Variants in DLG2 observed in about 807,000 individuals in gnomAD.
DLG2 encodes discs large MAGUK scaffold protein 2, also known as disks large homolog 2.
A neutral mutation model predicts 132.5 loss-of-function variants in DLG2; 45 were observed. That is an observed-to-expected ratio of 0.34 (90% CI 0.27 to 0.44). The LOEUF is 0.44. Among genes scored for constraint, DLG2 ranks in the 20% least tolerant of loss-of-function variants. The pLI is 1.00. For synonymous variants in DLG2, 424 were observed against 419.6 expected (o/e 1.01, Z -0.13); for missense variants, 1,045 against 1,196.9 (o/e 0.87, Z 1.87).
chr11:84,194,897 G>T (rs2096486183), intron 8 of DLG2, among the ~76,000 whole-genome samples: 1 of 152,148 alleles, frequency 6.6e-6, no homozygotes, highest in South Asian at 2.1e-4. Flanking sequence ...CAAGCGCGGG[G>T]CCTATTGAGC....
chr11:84,140,600 CAATGTTACGGAGCTTTG>C (rs2094800310), intron 9 of DLG2, among the ~76,000 whole-genome samples: 2 of 152,088 alleles, frequency 1.3e-5, no homozygotes, highest in African/African-American at 2.4e-5. Context: ...GGAGTTAGGG[CAATGTTACGGAGCTTTG>C]AATAAGTTAG....
In DLG2 at chr11:84,056,237, G is replaced by T. The variant is rs372881774; in HGVS notation, c.919+3078C>A. ...TATCCCTCCCCTTCCCCACAACCCC[G>T]GAACAGGCCCTGGTGTGTAAAGTTC... On this transcript the variant is annotated intron_variant, in intron 11 of 27. Transcript: ENST00000376104. Among the ~76,000 whole-genome samples the T allele has an allele frequency of 1.9e-3, 289 of 151,988 alleles. 2 individuals are homozygous for T. Among genetic ancestry groups the T allele is most frequent in the African/African-American group, 6.8e-3 (281 of 41,470 alleles).
chr11:84,670,579 G>A (rs1480075608), intron 6 of DLG2, among the ~76,000 whole-genome samples: 1 of 152,068 alleles, frequency 6.6e-6, no homozygotes, highest in East Asian at 1.9e-4. Flanking sequence ...GCCTCTGGTG[G>A]CATAATATAA....
chr11:84,924,406 T>A (rs1036404340), intron 6 of DLG2, among the ~76,000 whole-genome samples: 2 of 152,160 alleles, frequency 1.3e-5, no homozygotes, highest in Non-Finnish European at 2.9e-5. Flanking sequence ...TCAGCATAAC[T>A]CACTAGAAAA....
intron 3 of DLG2, among the ~76,000 whole-genome samples, chr11:85,554,719 T>C (rs1019432920): frequency 6.6e-6 from 1 of 151,864 alleles, no homozygotes; most frequent in African/African-American, 2.4e-5. Context: ...TTTGCCCTTC[T>C]ATGATCGTTT....
chr11:84,391,859 G>C (rs1215732901), intron 7 of DLG2, among the ~76,000 whole-genome samples: 1 of 151,744 alleles, frequency 6.6e-6, no homozygotes, highest in Non-Finnish European at 1.5e-5. Context: ...GCTCACAGTG[G>C]ATTTTAAATT....
intron 6 of DLG2, among the ~76,000 whole-genome samples, chr11:84,586,661 G>T (rs116715067): frequency 4.6e-5 from 7 of 151,536 alleles, no homozygotes; most frequent in African/African-American, 1.7e-4. Flanking sequence ...TTTTGTTTTT[G>T]TCATACACTT....
At chr11:84,776,501 G>T (rs778079325) in intron 6 of DLG2, among the ~76,000 whole-genome samples, 1 of 152,036 alleles carries the variant, frequency 6.6e-6, no homozygotes, top group African/African-American at 2.4e-5. Flanking sequence ...ACTGCTACAG[G>T]CAATCGAGAT....
At chr11:84,772,905 C>G (rs1459402368) in intron 6 of DLG2, among the ~76,000 whole-genome samples, 1 of 151,644 alleles carries the variant, frequency 6.6e-6, no homozygotes, top group Non-Finnish European at 1.5e-5. Flanking sequence ...TGAGAATAAA[C>G]TATCCCCAAA....
At chr11:85,219,664 C>A (rs1206858386) in intron 4 of DLG2, among the ~76,000 whole-genome samples, 1 of 150,080 alleles carries the variant, frequency 6.7e-6, no homozygotes, top group African/African-American at 2.5e-5. Context: ...GTATCTATAT[C>A]TAAATTCCCA....
chr11:83,868,682 A>T (rs2062856662), intron 16 of DLG2, among the ~76,000 whole-genome samples: 1 of 152,094 alleles, frequency 6.6e-6, no homozygotes, highest in Non-Finnish European at 1.5e-5. Context: ...TGATAAGCAA[A>T]GGCTCAGATT....
Position 84,734,087 on chromosome 11 carries a change from G to C in DLG2, c.358-199356C>G, listed in dbSNP as rs1167180773. On this transcript the variant is annotated intron_variant, in intron 6 of 27. Transcript: ENST00000376104. ...CAGGTAGCATGATGCCTCCAGCTTT[G>C]TTCTCTTGGCTTAGGATTGATTTGG... Among the ~76,000 whole-genome samples, 11 of 152,252 alleles carry C rather than the reference G, an allele frequency of 7.2e-5. No individual in the cohort carries two copies. The South Asian group carries it at 1.0e-3, about 14-fold the overall frequency.
rs994427378 is a variant in DLG2, at chr11:83,986,629, C to T, written c.920-5987G>A. 1.1e-3 allele frequency among the ~76,000 whole-genome samples: 172 copies of T among 151,888 alleles called. 1 individual carries two copies. Among genetic ancestry groups the T allele is most frequent in the African/African-American group, 3.9e-3 (161 of 41,438 alleles). Reference sequence around the variant, plus strand: ...TTCTAGTTCTAGATCCCTGAGGAATCGCCACACTGACTTCCACAATGGTTG... The same window carrying T: ...TTCTAGTTCTAGATCCCTGAGGAATTGCCACACTGACTTCCACAATGGTTG... On this transcript the variant is annotated intron_variant, in intron 11 of 27. Transcript: ENST00000376104.
chr11:85,269,611 C>A (rs535775757), intron 4 of DLG2, among the ~76,000 whole-genome samples: 1 of 152,294 alleles, frequency 6.6e-6, no homozygotes, highest in Admixed American at 6.5e-5. Flanking sequence ...ATGTAAGAAG[C>A]TTGGCATACT....
chr11:84,516,502 A>G (rs942827408), intron 7 of DLG2, among the ~76,000 whole-genome samples: 2 of 151,554 alleles, frequency 1.3e-5, no homozygotes, highest in African/African-American at 2.4e-5. Flanking sequence ...CATACAACCT[A>G]CCAAGACTAA....
chr11:85,312,503 TTGATAA>T (rs2080379391), intron 3 of DLG2, among the ~76,000 whole-genome samples: 1 of 151,784 alleles, frequency 6.6e-6, no homozygotes, highest in South Asian at 2.1e-4. Flanking sequence ...TAAATTAAAT[TTGATAA>T]TGATCATTGT....
chr11:84,692,361 G>C (rs1013164627), intron 6 of DLG2, among the ~76,000 whole-genome samples: 10 of 151,460 alleles, frequency 6.6e-5, no homozygotes, highest in Non-Finnish European at 1.5e-4. Flanking sequence ...TGAAAGTTCT[G>C]GCAACATGTA....
intron 3 of DLG2, among the ~76,000 whole-genome samples, chr11:85,502,332 G>C (rs998117523): frequency 6.6e-6 from 1 of 151,712 alleles, no homozygotes; most frequent in African/African-American, 2.4e-5. Flanking sequence ...TGGGTTGATG[G>C]GTGCAGCAAA....
chr11:83,583,828 GGT>G (rs1314295664), intron 19 of DLG2, among the ~76,000 whole-genome samples: 1 of 152,132 alleles, frequency 6.6e-6, no homozygotes, highest in Admixed American at 6.5e-5. Flanking sequence ...AAAGAAAATA[GGT>G]AAGATTCAAA....
Sources: gnomAD v4.1 joint callset for allele counts (sites outside exome capture counted in the v4.1 genomes callset) on GRCh38, gnomAD v4.1.1 for gene constraint, MANE v1.5 for transcripts, NCBI Gene and HGNC (gene_info 2026-07-23, HGNC 2026-07-21) for gene names.